The following CAMK2G variants were observed in gnomAD, a reference collection of about 807,000 sequenced individuals.
The protein encoded by CAMK2G is calcium/calmodulin dependent protein kinase II gamma.
A neutral mutation model predicts 88.7 loss-of-function variants in CAMK2G; 23 were observed. The ratio of observed to expected loss-of-function variants is 0.26; its 90% CI spans 0.19 to 0.37. The LOEUF (loss-of-function observed/expected upper bound fraction) is 0.37, where lower values mean the gene tolerates loss of function less well. CAMK2G is among the 10% of genes least tolerant of loss of function. The pLI is 1.00. For synonymous variants in CAMK2G, 263 were observed against 294.8 expected (o/e 0.89, Z 1.11); for missense variants, 476 against 780.8 (o/e 0.61, Z 4.65).
chr10:73,827,069 G>T (rs2091174456), intron 15 of CAMK2G, among the ~76,000 whole-genome samples: 1 of 152,208 alleles, frequency 6.6e-6, no homozygotes, highest in Non-Finnish European at 1.5e-5. Context: ...GGGTTGGTTA[G>T]AGAGGGCTGC....
intron 1 of CAMK2G, among the ~76,000 whole-genome samples, chr10:73,873,961 A>G (rs1048865330): frequency 1.2e-4 from 17 of 147,740 alleles, no homozygotes; most frequent in Non-Finnish European, 2.0e-4. Context: ...GCCGGGCGCC[A>G]AACAGCCCCC....
At chr10:73,832,571 CT>C (rs2092622517) in intron 14 of CAMK2G, among the ~76,000 whole-genome samples, 2 of 152,284 alleles carry the variant, frequency 1.3e-5, no homozygotes. Flanking sequence ...TCCCAAAGTG[CT>C]GGGATTACAG....
At chr10:73,817,601 A>C in intron 19 of CAMK2G, 47 bp from the exon 20 acceptor site, 3 of 1,314,076 alleles carry the variant, frequency 2.3e-6, no homozygotes, top group Non-Finnish European at 3.3e-6. Flanking sequence ...GGAACCTCCC[A>C]AGTTACAGAG....
chr10:73,868,168 C>T (rs2095661445), intron 2 of CAMK2G, among the ~76,000 whole-genome samples: 1 of 152,202 alleles, frequency 6.6e-6, no homozygotes, highest in Admixed American at 6.5e-5. Flanking sequence ...GCCTCCCCTT[C>T]CCTATCTCCA....
intron 21 of CAMK2G, chr10:73,816,689 G>A: frequency 1.9e-6 from 2 of 1,066,634 alleles, no homozygotes; most frequent in Non-Finnish European, 1.3e-6. Flanking sequence ...TCGATCTCCT[G>A]ACCTCGTGAT....
At chr10:73,816,288 C>T (rs761251710) in intron 21 of CAMK2G, 72 of 989,968 alleles carry the variant, frequency 7.3e-5, no homozygotes, top group Non-Finnish European at 8.2e-5. Context: ...CCACAACTTC[C>T]GATCTCGCAA....
intron 2 of CAMK2G, among the ~76,000 whole-genome samples, chr10:73,870,042 T>C (rs1001404918): frequency 1.3e-5 from 2 of 152,196 alleles, no homozygotes; most frequent in Admixed American, 6.5e-5. Flanking sequence ...TAAAATGTTA[T>C]GCTCCACGAG....
chr10:73,855,915 C>G (rs985656939), intron 3 of CAMK2G, among the ~76,000 whole-genome samples: 7 of 152,144 alleles, frequency 4.6e-5, no homozygotes, highest in African/African-American at 1.7e-4. Context: ...ATTCTAAGTG[C>G]CTATTTAGCA....
intron 13 of CAMK2G, among the ~76,000 whole-genome samples, chr10:73,837,753 C>T (rs1023929433): frequency 6.6e-6 from 1 of 152,176 alleles, no homozygotes; most frequent in Non-Finnish European, 1.5e-5. Context: ...ATGCACGACA[C>T]TTAGAGGAGA....
rs566104841 is a variant in CAMK2G at position 73,865,616 on chromosome 10, T to G, written c.161-4727A>C. Reference sequence around the variant, plus strand: ...GCAGAGGGGTTCCAGGATGGAGTAGTGGTTTCTAGAGCATCTTTCCCAAAA... The same window carrying G: ...GCAGAGGGGTTCCAGGATGGAGTAGGGGTTTCTAGAGCATCTTTCCCAAAA... On this transcript the variant is annotated intron_variant, in intron 2 of 22. Transcript: ENST00000423381. Among the ~76,000 whole-genome samples, 9 of 152,162 alleles carry G rather than the reference T, an allele frequency of 5.9e-5. No homozygotes were observed. The South Asian group carries it at 1.9e-3, about 32-fold the overall frequency.
At position 73,849,252 on chromosome 10, in the gene CAMK2G, G is replaced by A. The variant is rs1203770184; in HGVS notation, c.414+9C>T. The A allele has an allele frequency of 6.2e-7, 1 of 1,610,616 alleles. No homozygotes were observed. On this transcript the variant is annotated intron_variant, in intron 6 of 22. Coordinates refer to ENST00000423381, the MANE Select transcript of CAMK2G (RefSeq NM_001367534.1). ...TGAGCAGAGGCACGGAGGGGAGCCT[G>A]GGTAGTACCTTCAGGTCCCTGTGGA...
intron 21 of CAMK2G, chr10:73,816,412 C>A (rs2085513260): frequency 2.8e-6 from 3 of 1,054,532 alleles, no homozygotes; most frequent in Non-Finnish European, 3.4e-6. Flanking sequence ...TCAACCTAAT[C>A]TCAAAGGGTT....
intron 10 of CAMK2G, among the ~76,000 whole-genome samples, chr10:73,846,058 C>T (rs1344290580): frequency 6.6e-6 from 1 of 152,158 alleles, no homozygotes; most frequent in Non-Finnish European, 1.5e-5. Context: ...GCTGAGACTA[C>T]AGGCACATGC....
intron 14 of CAMK2G, among the ~76,000 whole-genome samples, chr10:73,829,156 TATTATA>T (rs1321884684): frequency 6.6e-6 from 1 of 152,210 alleles, no homozygotes; most frequent in Non-Finnish European, 1.5e-5. Context: ...CAGGGATTAT[TATTATA>T]ATCAACGAAA....
chr10:73,831,531 G>A (rs1479605811), intron 14 of CAMK2G, among the ~76,000 whole-genome samples: 3 of 103,058 alleles, frequency 2.9e-5, no homozygotes, highest in African/African-American at 3.9e-5. Flanking sequence ...GTGAGACTCC[G>A]TCTAAAAAAA....
At chr10:73,841,963 A>G in intron 12 of CAMK2G, 1 of 594,072 alleles carries the variant, frequency 1.7e-6, no homozygotes, top group South Asian at 2.0e-5. Flanking sequence ...GTTCTAGGAA[A>G]CAATTCACAA....
chr10:73,854,001 G>A (rs147373643), intron 3 of CAMK2G, among the ~76,000 whole-genome samples: 2 of 152,266 alleles, frequency 1.3e-5, no homozygotes, highest in African/African-American at 4.8e-5. Context: ...ACAGATGAGG[G>A]CACCAGAGGC....
intron 3 of CAMK2G, among the ~76,000 whole-genome samples, chr10:73,858,958 G>A (rs1198841239): frequency 6.6e-6 from 1 of 152,228 alleles, no homozygotes; most frequent in African/African-American, 2.4e-5. Flanking sequence ...GGGTGATGTG[G>A]ACATGGTTCT....
chr10:73,832,650 A>G (rs559882629), intron 14 of CAMK2G, among the ~76,000 whole-genome samples: 19 of 152,234 alleles, frequency 1.2e-4, no homozygotes, highest in African/African-American at 4.6e-4. Flanking sequence ...AATATAAAAC[A>G]TTTCTGCACT....
Sources: gnomAD v4.1 joint callset for allele counts (sites outside exome capture counted in the v4.1 genomes callset) on GRCh38, gnomAD v4.1.1 for gene constraint, MANE v1.5 for transcripts, NCBI Gene and HGNC (gene_info 2026-07-23, HGNC 2026-07-21) for gene names.